Variants in FAM3B observed in about 807,000 individuals in gnomAD.
The protein encoded by FAM3B is FAM3 metabolism regulating signaling molecule B.
Under a neutral mutation model 28.4 loss-of-function variants are expected in FAM3B, and 29 were observed. That is an observed-to-expected ratio of 1.02 (90% CI 0.76 to 1.39). The LOEUF is 1.39. Among genes scored for constraint, FAM3B ranks in the 40% most tolerant of loss-of-function variants. FAM3B has a pLI of 0.00. For missense variants in FAM3B, 266 were observed against 293.9 expected, an observed-to-expected ratio of 0.91 and a Z score of 0.69; for synonymous variants, 91 against 103.0, an observed-to-expected ratio of 0.88 and a Z score of 0.71.
At chr21:41,337,213 T>G (rs1379111980) in intron 2 of FAM3B, among the ~76,000 whole-genome samples, 1 of 152,252 alleles carries the variant, frequency 6.6e-6, no homozygotes, top group Non-Finnish European at 1.5e-5. Flanking sequence ...AAGTCTCTAC[T>G]CAAACTTAAG....
At chr21:41,315,950 A>T (rs1023249880), upstream of FAM3B, among the ~76,000 whole-genome samples, 1 of 152,142 alleles carries the variant, frequency 6.6e-6, no homozygotes, top group African/African-American at 2.4e-5. Flanking sequence ...TGGGGCGGGG[A>T]CTGGGTCTTT....
At chr21:41,316,673 AGCCCCGCGCACCTGCCCCGCCCACGCCC>A (rs1601346993), upstream of FAM3B, 7 of 390,008 alleles carry the variant, frequency 1.8e-5, no homozygotes, top group Admixed American at 9.5e-5. Context: ...CCCGGGGCAC[AGCCCCGCGCACCTGCCCCGCCCACGCCC>A]GCCCCGCGCA....
intron 7 of FAM3B, among the ~76,000 whole-genome samples, chr21:41,355,803 C>T (rs1041223944): frequency 1.3e-5 from 2 of 152,100 alleles, no homozygotes; most frequent in African/African-American, 4.8e-5. Flanking sequence ...TTGAATTGTA[C>T]ACTTTACATT....
chr21:41,313,379 C>T (rs943614026), upstream of FAM3B, among the ~76,000 whole-genome samples: 1 of 152,248 alleles, frequency 6.6e-6, no homozygotes, highest in East Asian at 1.9e-4. Flanking sequence ...CACCACCCTG[C>T]GTCTGCACTC....
chr21:41,324,916 A>G (rs577678947), intron 2 of FAM3B, among the ~76,000 whole-genome samples: 4 of 152,286 alleles, frequency 2.6e-5, no homozygotes, highest in African/African-American at 7.2e-5. Flanking sequence ...AGCTTGGCCA[A>G]CGTGGTGAAA....
At chr21:41,351,045 T>A (rs77215024) in intron 7 of FAM3B, among the ~76,000 whole-genome samples, 3,466 of 152,318 alleles carry the variant, frequency 0.023, 60 homozygotes, top group Middle Eastern at 0.051. Context: ...CTCCAGCTGA[T>A]TTATGAGAGT....
chr21:41,357,162 CAG>C lies in FAM3B; in HGVS notation c.675_676del (p.Gln225HisfsTer18). ...ATATTCTGGCTGGCCTGCAGAGATC[CAG>C]ATAGAAGGCTGCATACCCAAAGAAC... is the stretch of plus-strand genomic sequence containing the variant. Reference protein sequence around the residue: ...NRYSGWPAEIQIEGCIPKERS With the variant: ...NRYSGWPAEIXIEGCIPKERS On this transcript the variant is annotated frameshift_variant, in exon 8 of 8. Transcript: ENST00000357985. LOFTEE classifies it high-confidence loss of function. 1 of 1,613,468 alleles carries C rather than the reference CAG, an allele frequency of 6.2e-7. No individual in the cohort carries two copies. Among genetic ancestry groups the C allele is most frequent in the Non-Finnish European group, 8.5e-7 (1 of 1,179,654 alleles).
At chr21:41,325,757 A>T (rs1033757026) in intron 2 of FAM3B, among the ~76,000 whole-genome samples, 1 of 152,224 alleles carries the variant, frequency 6.6e-6, no homozygotes, top group Non-Finnish European at 1.5e-5. Context: ...TCCAAGTCCC[A>T]GTCTACATAT....
At chr21:41,347,668 G>T (rs754318774) in intron 6 of FAM3B, among the ~76,000 whole-genome samples, 1 of 149,344 alleles carries the variant, frequency 6.7e-6, no homozygotes, top group African/African-American at 2.5e-5. Flanking sequence ...CAGGAGAATC[G>T]CTTGAACCCA....
intron 7 of FAM3B, among the ~76,000 whole-genome samples, chr21:41,355,736 A>G (rs1311397045): frequency 6.6e-6 from 1 of 152,134 alleles, no homozygotes; most frequent in African/African-American, 2.4e-5. Flanking sequence ...GGTGATGAAA[A>G]TGTTTTAAAA....
chr21:41,326,870 C>G lies in FAM3B; in HGVS notation c.163+3804C>G, dbSNP rs1032996106. 6.6e-6 allele frequency among the ~76,000 whole-genome samples: 1 copy of G among 152,234 alleles called. No homozygotes were observed. The highest frequency in any genetic ancestry group is 1.5e-5 in the Non-Finnish European group (1 of 68,032). The stretch of plus-strand genomic sequence containing the variant: ...AGCCCACTGTTCTGCACCTGGGGCC[C>G]TTTTCACCCAAGCTCCTCGTTTCCC... On this transcript the variant is annotated intron_variant, in intron 2 of 7. Transcript: ENST00000357985. The surrounding 1 kb of genome is among the most constrained non-coding windows in gnomAD (Gnocchi z 4.0).
chr21:41,352,595 C>T, intron 7 of FAM3B, among the ~76,000 whole-genome samples: 1 of 152,062 alleles, frequency 6.6e-6, no homozygotes, highest in Non-Finnish European at 1.5e-5. Context: ...AAGTTCAAGA[C>T]CAGCCTGGCC....
upstream of FAM3B, among the ~76,000 whole-genome samples, chr21:41,314,726 C>A (rs372943500): frequency 4.6e-5 from 7 of 150,884 alleles, no homozygotes; most frequent in East Asian, 1.4e-3. Flanking sequence ...AAACCACAAT[C>A]AGATATCACT....
chr21:41,346,897 G>A, intron 5 of FAM3B, 116 bp from the exon 6 acceptor site: 2 of 893,214 alleles, frequency 2.2e-6, no homozygotes, highest in Non-Finnish European at 3.8e-6. Flanking sequence ...GCGAGCGCTG[G>A]GACCCCCAAG....
intron 1 of FAM3B, among the ~76,000 whole-genome samples, chr21:41,309,312 G>A (rs1221521105): frequency 1.3e-5 from 2 of 152,196 alleles, no homozygotes; most frequent in Non-Finnish European, 2.9e-5. Context: ...TCCCCTTGGA[G>A]CTGTTTTCTT....
At chr21:41,331,881 A>T (rs2088908861) in intron 2 of FAM3B, among the ~76,000 whole-genome samples, 1 of 152,096 alleles carries the variant, frequency 6.6e-6, no homozygotes. Context: ...CATTCTGTTG[A>T]TGTGGTAATC....
At chr21:41,348,374 A>G (rs1393916502) in intron 6 of FAM3B, among the ~76,000 whole-genome samples, 1 of 152,222 alleles carries the variant, frequency 6.6e-6, no homozygotes, top group Non-Finnish European at 1.5e-5. Context: ...ACTGGGGCCT[A>G]AAATGGCTCT....
At chr21:41,334,091 T>A (rs910667109) in intron 2 of FAM3B, among the ~76,000 whole-genome samples, 5 of 152,218 alleles carry the variant, frequency 3.3e-5, no homozygotes, top group Non-Finnish European at 7.3e-5. Flanking sequence ...CTGCTTCTAA[T>A]AACCTGCGCT....
At position 41,338,608 on chromosome 21, in the gene FAM3B, G is replaced by A. The variant is rs1337464629; in HGVS notation, c.287+107G>A. ...TGCCCACAGGAGAGAACCATATGTC[G>A]TTGGTCTCAGGCAAAAGGCTGAGAG... On this transcript the variant is annotated intron_variant, in intron 3 of 7. Transcript: ENST00000357985. 23 of 1,456,516 alleles carry A rather than the reference G, an allele frequency of 1.6e-5. 1 individual carries two copies. In the East Asian group the frequency reaches 2.3e-4, roughly 15 times the overall value. 90.2% of individuals were successfully genotyped at this position (1,456,516 alleles called of 1,614,324 possible). A position where few individuals can be genotyped will look rare whatever the true frequency, so the allele number is the denominator to read the frequency against.
Sources: allele counts gnomAD v4.1 joint callset (sites outside exome capture counted in the v4.1 genomes callset), GRCh38; gene constraint gnomAD v4.1.1; non-coding constraint Gnocchi (gnomAD v3.1); transcripts MANE v1.5; gene names NCBI Gene and HGNC (gene_info 2026-07-23, HGNC 2026-07-21).